The following CDH13 variants were observed in gnomAD, a reference collection of about 807,000 sequenced individuals.
The protein encoded by CDH13 is cadherin 13.
A neutral mutation model predicts 63.8 loss-of-function variants in CDH13; 24 were observed. The observed-to-expected ratio is 0.38, with a 90% confidence interval of 0.27 to 0.53. CDH13 has a LOEUF of 0.53. Ranked by LOEUF, CDH13 falls within the 20% of genes least tolerant of loss-of-function variation. The pLI is 0.85. For synonymous variants in CDH13, 503 were observed against 355.3 expected, an observed-to-expected ratio of 1.42 and a Z score of -4.67; for missense variants, 1,049 against 903.1, an observed-to-expected ratio of 1.16 and a Z score of -2.07.
In CDH13 at chr16:82,887,644, A is replaced by AACC. The variant is rs541949519; in HGVS notation, c.157+29172_157+29174dup. On this transcript the variant is annotated intron_variant, in intron 2 of 13. Transcript: ENST00000567109. Reference sequence around the variant, plus strand: ...GAGACGAGTCTGGCCAACGTGGTGAAACCTCATCTCTATTAAAAATACAAA... The same window carrying AACC: ...GAGACGAGTCTGGCCAACGTGGTGAAACCACCTCATCTCTATTAAAAATACAAA... Among the ~76,000 whole-genome samples, 542 of 152,308 alleles carry AACC rather than the reference A, an allele frequency of 3.6e-3. 2 individuals carry two copies. Among genetic ancestry groups the AACC allele is most frequent in the African/African-American group, 0.012 (511 of 41,572 alleles).
intron 13 of CDH13, among the ~76,000 whole-genome samples, chr16:83,784,549 T>C (rs1370717714): frequency 1.3e-5 from 2 of 151,392 alleles, no homozygotes; most frequent in Non-Finnish European, 1.5e-5. Context: ...GCAGAATCAC[T>C]TGAACCCGGG....
intron 1 of CDH13, among the ~76,000 whole-genome samples, chr16:82,653,915 G>T (rs544593659): frequency 2.0e-5 from 3 of 152,132 alleles, no homozygotes; most frequent in African/African-American, 7.2e-5. Flanking sequence ...ATACCACAGA[G>T]ATCATGAGAT....
intron 6 of CDH13, among the ~76,000 whole-genome samples, chr16:83,431,072 G>T (rs1295895067): frequency 6.6e-6 from 1 of 150,508 alleles, no homozygotes; most frequent in Non-Finnish European, 1.5e-5. Flanking sequence ...GCAGTGTTTG[G>T]TTTTTTGTTC....
At chr16:83,267,970 C>G (rs1317799649) in intron 5 of CDH13, among the ~76,000 whole-genome samples, 1 of 152,148 alleles carries the variant, frequency 6.6e-6, no homozygotes, top group Non-Finnish European at 1.5e-5. Flanking sequence ...CCATGAATGG[C>G]AAATTAATCA....
chr16:83,456,817 C>G (rs910299068), intron 6 of CDH13, among the ~76,000 whole-genome samples: 3 of 152,136 alleles, frequency 2.0e-5, no homozygotes, highest in African/African-American at 7.2e-5. Flanking sequence ...CAAAAATTAG[C>G]CAGGCATGGT....
chr16:83,179,594 G>T (rs1376530321), intron 4 of CDH13, among the ~76,000 whole-genome samples: 1 of 151,758 alleles, frequency 6.6e-6, no homozygotes, highest in Non-Finnish European at 1.5e-5. Flanking sequence ...GGAGCTTGCA[G>T]TGAGCCGAGA....
At chr16:83,660,169 G>T (rs529424965) in intron 8 of CDH13, among the ~76,000 whole-genome samples, 1 of 152,214 alleles carries the variant, frequency 6.6e-6, no homozygotes, top group East Asian at 1.9e-4. Flanking sequence ...ATGGTCTTGG[G>T]AGGATTCAAG....
chr16:83,676,851 G>C (rs1284169830), intron 9 of CDH13, among the ~76,000 whole-genome samples: 2 of 152,148 alleles, frequency 1.3e-5, no homozygotes, highest in Non-Finnish European at 2.9e-5. Flanking sequence ...AAGACACTCT[G>C]ACCCAACCTG....
At chr16:83,291,917 A>G (rs2089475561) in intron 5 of CDH13, among the ~76,000 whole-genome samples, 1 of 152,114 alleles carries the variant, frequency 6.6e-6, no homozygotes, top group South Asian at 2.1e-4. Flanking sequence ...AGTTCCTCCA[A>G]GTTGTTTTTA....
intron 6 of CDH13, among the ~76,000 whole-genome samples, chr16:83,417,470 C>A (rs2071584389): frequency 6.6e-6 from 1 of 152,202 alleles, no homozygotes; most frequent in Non-Finnish European, 1.5e-5. Flanking sequence ...CACCACCTCC[C>A]TGGTCACCGT....
At chr16:82,896,601 A>T (rs1229328755) in intron 2 of CDH13, among the ~76,000 whole-genome samples, 1 of 151,544 alleles carries the variant, frequency 6.6e-6, no homozygotes, top group Non-Finnish European at 1.5e-5. Flanking sequence ...CAGCTCCAGG[A>T]CAGGATTAAA....
rs60903960 is a variant in CDH13 at position 83,436,474 on chromosome 16, TAA to T, written c.782-49992_782-49991del. On this transcript the variant is annotated intron_variant, in intron 6 of 13. Transcript: ENST00000567109. ...GACAGAGTGAGACCCTGAATCTAATTAAAAAAAAAAAATTATACAATGAATAA... is the reference window on the plus strand; with the variant it reads ...GACAGAGTGAGACCCTGAATCTAATTAAAAAAAAAATTATACAATGAATAA... 1.6e-4 allele frequency among the ~76,000 whole-genome samples: 24 copies of T among 148,488 alleles called. No homozygotes were observed. The East Asian group carries it at 2.2e-3, about 13-fold the overall frequency.
chr16:83,681,997 G>T (rs1915447555), intron 10 of CDH13, among the ~76,000 whole-genome samples: 1 of 152,156 alleles, frequency 6.6e-6, no homozygotes. Flanking sequence ...CAGGAATCAG[G>T]TGTCTCCTGA....
At chr16:83,704,066 A>G (rs1906647767) in intron 10 of CDH13, among the ~76,000 whole-genome samples, 1 of 152,164 alleles carries the variant, frequency 6.6e-6, no homozygotes, top group Non-Finnish European at 1.5e-5. Context: ...TTCAACCCAG[A>G]CTTCACCTCA....
intron 10 of CDH13, among the ~76,000 whole-genome samples, chr16:83,707,599 T>G (rs1907277537): frequency 6.6e-6 from 1 of 152,148 alleles, no homozygotes; most frequent in Admixed American, 6.5e-5. Context: ...TGATCCCCTG[T>G]TCTACTACTC....
At chr16:83,534,035 T>C (rs1389580062) in intron 7 of CDH13, among the ~76,000 whole-genome samples, 1 of 152,164 alleles carries the variant, frequency 6.6e-6, no homozygotes, top group Non-Finnish European at 1.5e-5. Flanking sequence ...TGCCATTTAG[T>C]GGATGGACAG....
In CDH13 at chr16:82,644,190, C is replaced by G. The variant is rs78197430; in HGVS notation, c.45+17053C>G. On this transcript the variant is annotated intron_variant, in intron 1 of 13. Transcript: ENST00000567109. This position sits in a 1 kb window ranked among gnomAD's most constrained non-coding sequence, Gnocchi z 5.7. Reference sequence around the variant, plus strand: ...CCAAATTAACATGAATGTTTGGCACCCTTTGGCTGGTGCGGCTGAAGAATT... The same window carrying G: ...CCAAATTAACATGAATGTTTGGCACGCTTTGGCTGGTGCGGCTGAAGAATT... Among the ~76,000 whole-genome samples the G allele has an allele frequency of 6.6e-6, 1 of 152,002 alleles. No individual in the cohort carries two copies. The highest frequency in any genetic ancestry group is 1.5e-5 in the Non-Finnish European group (1 of 68,012).
At chr16:83,263,306 C>G (rs561800928) in intron 5 of CDH13, among the ~76,000 whole-genome samples, 1 of 152,212 alleles carries the variant, frequency 6.6e-6, no homozygotes, top group Non-Finnish European at 1.5e-5. Flanking sequence ...GCTCCTCAAA[C>G]ATTCGGAACA....
intron 11 of CDH13, among the ~76,000 whole-genome samples, chr16:83,763,726 T>A (rs368518313): frequency 0.013 from 1,978 of 152,338 alleles, 18 homozygotes; most frequent in Non-Finnish European, 0.019. Context: ...AATAAATTGA[T>A]GACCCAGCCA....
Sources: gnomAD v4.1 joint callset for allele counts (sites outside exome capture counted in the v4.1 genomes callset) on GRCh38, gnomAD v4.1.1 for gene constraint, Gnocchi (gnomAD v3.1) non-coding constraint, MANE v1.5 for transcripts, NCBI Gene and HGNC (gene_info 2026-07-23, HGNC 2026-07-21) for gene names.